Variants in NECAB2 observed in about 807,000 individuals in gnomAD.
NECAB2 encodes the protein N-terminal EF-hand calcium-binding protein 2.
NECAB2 carries 68 observed loss-of-function variants against 51.9 expected under a neutral mutation model. The observed-to-expected ratio is 1.31, with a 90% CI of 1.08 to 1.60. The LOEUF is 1.60. NECAB2 is among the 40% of genes most tolerant of loss of function. NECAB2 has a pLI of 0.00. For synonymous variants in NECAB2, 329 were observed against 203.5 expected (o/e 1.62, Z -5.25); for missense variants, 854 against 490.3 (o/e 1.74, Z -7.00).
In NECAB2 at chr16:84,002,764, C is replaced by T. The variant is rs1395164311; in HGVS notation, c.*418C>T. On this transcript the variant is annotated 3_prime_UTR_variant, in exon 13 of 13. Transcript: ENST00000305202. ...ACTGTGCCCAGGCGCCAAATAAACC[C>T]TGGTTGGGAAGAGCTGTGTGCTCTG... The T allele has an allele frequency of 4.7e-6, 1 of 213,688 alleles. No homozygotes were observed. Among genetic ancestry groups the T allele is most frequent in the African/African-American group, 2.3e-5 (1 of 44,112 alleles). The allele number at this position is 213,688 out of a possible 1,614,324, so 13.2% of individuals were successfully genotyped here.
chr16:83,986,978 A>G (rs1485636178), intron 5 of NECAB2, among the ~76,000 whole-genome samples: 1 of 152,198 alleles, frequency 6.6e-6, no homozygotes, highest in African/African-American at 2.4e-5. Flanking sequence ...CGCAACCCCC[A>G]CCATGACATA....
rs891369936 is a variant in NECAB2 at position 83,994,326 on chromosome 16, C to G, written c.621C>G (p.His207Gln). The G allele has an allele frequency of 6.2e-7, 1 of 1,614,196 alleles. No individual in the cohort carries two copies. Among genetic ancestry groups the G allele is most frequent in the East Asian group, 2.2e-5 (1 of 44,888 alleles). The change falls in exon 7 of 13, where the codon CAC becomes CAG. Residue 207 changes from histidine (H) to glutamine (Q), a missense_variant. By Grantham distance (24) the His-to-Gln change is conservative (BLOSUM62 0). Coordinates refer to ENST00000305202, the MANE Select transcript of NECAB2 (RefSeq NM_019065.3). ...QLRQNHIKPSHSAAQTWCGSP... is the reference protein window; with the variant it reads ...QLRQNHIKPSQSAAQTWCGSP... The stretch of plus-strand genomic sequence containing the variant: ...GACAGAACCACATCAAACCCAGCCA[C>G]AGCGCGGCACAGACCTGGTGTGGAA...
In NECAB2 at chr16:84,002,300, G is replaced by C. The variant is rs143665596; in HGVS notation, c.1133-18G>C. On this transcript the variant is annotated intron_variant, in intron 12 of 12. Transcript: ENST00000305202. ...CACATTCGCACTCCTTCCCTCTAAC[G>C]TGTCTCTCTCCTTTTAGCTGCTTGG... 6 of 1,613,714 alleles carry C rather than the reference G, an allele frequency of 3.7e-6. No individual in the cohort carries two copies. Among genetic ancestry groups the C allele is most frequent in the Non-Finnish European group, 5.1e-6 (6 of 1,179,780 alleles).
chr16:84,002,192 C>A, intron 12 of NECAB2, 126 bp from the exon 13 acceptor site: 1 of 1,262,116 alleles, frequency 7.9e-7, no homozygotes. Context: ...GGGTGACCAG[C>A]AAGGACCTGT....
At chr16:83,966,522 C>T (rs929724944), upstream of NECAB2, among the ~76,000 whole-genome samples, 2 of 152,072 alleles carry the variant, frequency 1.3e-5, no homozygotes, top group Admixed American at 6.6e-5. Context: ...GAGCGGGCAG[C>T]TGTACTAGAG....
At chr16:83,966,706 A>G (rs531931646), upstream of NECAB2, among the ~76,000 whole-genome samples, 42 of 152,268 alleles carry the variant, frequency 2.8e-4, no homozygotes, top group African/African-American at 9.1e-4. Context: ...TTGCACAGAG[A>G]GTCCCCAGCC....
chr16:83,982,364 G>T (rs921404775), intron 5 of NECAB2, among the ~76,000 whole-genome samples: 2 of 152,204 alleles, frequency 1.3e-5, no homozygotes, highest in African/African-American at 4.8e-5. Context: ...TTAATACCAT[G>T]TAAGACCTGC....
chr16:84,000,829 GAGGGA>G, intron 11 of NECAB2, 28 bp downstream of exon 11: 1 of 1,602,732 alleles, frequency 6.2e-7, no homozygotes. Context: ...CACAGCAGGT[GAGGGA>G]GACAGAGGGA....
intron 9 of NECAB2, among the ~76,000 whole-genome samples, chr16:83,997,720 C>G (rs988278343): frequency 1.3e-5 from 2 of 151,948 alleles, no homozygotes; most frequent in African/African-American, 4.8e-5. Flanking sequence ...GTCTCAAACT[C>G]CTATCCTCAT....
At chr16:83,997,338 T>G (rs529369381) in intron 9 of NECAB2, 69 bp downstream of exon 9, 16 of 1,596,368 alleles carry the variant, frequency 1.0e-5, no homozygotes, top group South Asian at 5.5e-5. Context: ...AAGATCCAAG[T>G]GGCTCAATGC....
At chr16:83,965,563 C>G, upstream of NECAB2, 3 of 1,612,946 alleles carry the variant, frequency 1.9e-6, no homozygotes, top group Admixed American at 1.7e-5. Flanking sequence ...ACCAGCTGCC[C>G]AAGATGCTGT....
chr16:84,000,460 G>A (rs1053479741), intron 10 of NECAB2, among the ~76,000 whole-genome samples: 1 of 152,192 alleles, frequency 6.6e-6, no homozygotes, highest in African/African-American at 2.4e-5. Context: ...TCCAGCCTGG[G>A]CAACAGAGTG....
chr16:83,996,209 C>T (rs1005440007), intron 8 of NECAB2, among the ~76,000 whole-genome samples: 4 of 152,192 alleles, frequency 2.6e-5, no homozygotes, highest in African/African-American at 9.6e-5. Context: ...CCTCCTATGG[C>T]TTTTCCAGCC....
At chr16:83,990,056 T>G (rs2084602686) in intron 5 of NECAB2, among the ~76,000 whole-genome samples, 1 of 152,298 alleles carries the variant, frequency 6.6e-6, no homozygotes, top group African/African-American at 2.4e-5. Flanking sequence ...TGCCTGATCA[T>G]TATCCTTGTC....
intron 12 of NECAB2, 90 bp downstream of exon 12, chr16:84,002,006 G>C: frequency 7.0e-7 from 1 of 1,421,998 alleles, no homozygotes; most frequent in Middle Eastern, 2.4e-4. Flanking sequence ...CCGGGGACTT[G>C]CCTGCTTGCT....
At chr16:83,996,206 T>C (rs2084696268) in intron 8 of NECAB2, among the ~76,000 whole-genome samples, 1 of 152,204 alleles carries the variant, frequency 6.6e-6, no homozygotes. Context: ...CATCCTCCTA[T>C]GGCTTTTCCA....
At chr16:83,979,875 A>G (rs1380843095) in intron 3 of NECAB2, among the ~76,000 whole-genome samples, 2 of 152,204 alleles carry the variant, frequency 1.3e-5, no homozygotes, top group African/African-American at 2.4e-5. Context: ...GGGATGCTAA[A>G]TAGACTTTGT....
intron 3 of NECAB2, 98 bp from the exon 4 acceptor site, chr16:83,980,741 A>G: frequency 2.0e-6 from 3 of 1,466,080 alleles, no homozygotes; most frequent in South Asian, 2.4e-5. Context: ...ACAGGCTGCA[A>G]AGAGCAGGCA....
At chr16:83,990,930 C>G (rs2084615991) in intron 6 of NECAB2, among the ~76,000 whole-genome samples, 2 of 152,284 alleles carry the variant, frequency 1.3e-5, no homozygotes, top group African/African-American at 4.8e-5. Context: ...GCTGCATCCA[C>G]ATGCTAATTG....
Sources: gnomAD v4.1 joint callset for allele counts (sites outside exome capture counted in the v4.1 genomes callset) on GRCh38, gnomAD v4.1.1 for gene constraint, MANE v1.5 for transcripts, NCBI Gene and HGNC (gene_info 2026-07-23, HGNC 2026-07-21) for gene names.